COL13A1: variants seen among roughly 807,000 people sequenced by gnomAD.
COL13A1 encodes collagen type XIII alpha 1 chain.
COL13A1 carries 89 observed loss-of-function variants against 130.9 expected under a neutral mutation model. That is an observed-to-expected ratio of 0.68 (90% CI 0.57 to 0.81). The LOEUF (loss-of-function observed/expected upper bound fraction) is 0.81. Among genes scored for constraint, COL13A1 ranks in the 30% least tolerant of loss-of-function variants. The probability of loss-of-function intolerance (pLI) is 0.00; values close to 1 mark genes in which losing one functional copy is unlikely to be tolerated. For synonymous variants in COL13A1, 402 were observed against 341.6 expected (o/e 1.18, Z -1.95); for missense variants, 879 against 934.6 (o/e 0.94, Z 0.78).
At chr10:69,847,705 C>T (rs374060339) in intron 2 of COL13A1, among the ~76,000 whole-genome samples, 68 of 152,298 alleles carry the variant, frequency 4.5e-4, no homozygotes, top group African/African-American at 1.5e-3. Flanking sequence ...CGTTTGCTGG[C>T]GGAGGGATTA....
At chr10:69,870,391 A>T (rs2058943604) in intron 3 of COL13A1, among the ~76,000 whole-genome samples, 1 of 151,566 alleles carries the variant, frequency 6.6e-6, no homozygotes, top group Non-Finnish European at 1.5e-5. Context: ...AAGCTCACTG[A>T]AGCCTCAATC....
intron 1 of COL13A1, among the ~76,000 whole-genome samples, chr10:69,810,390 C>CAGAGAGAGAGAGAGAGAGAGAGAG (rs1842741165): frequency 9.4e-6 from 1 of 106,136 alleles, no homozygotes; most frequent in African/African-American, 3.2e-5. Context: ...GACAGAGAGT[C>CAGAGAGAGAGAGAGAGAGAGAGAG]TGTGTGGCCC....
At chr10:69,902,345 A>G (rs1027543146) in intron 14 of COL13A1, among the ~76,000 whole-genome samples, 10 of 152,144 alleles carry the variant, frequency 6.6e-5, no homozygotes, top group African/African-American at 2.4e-4. Context: ...GCTTAGGGAG[A>G]ACTGTGCCTC....
At chr10:69,835,403 GCCCACT>G (rs1437912156) in intron 2 of COL13A1, among the ~76,000 whole-genome samples, 1 of 152,062 alleles carries the variant, frequency 6.6e-6, no homozygotes, top group Non-Finnish European at 1.5e-5. Flanking sequence ...CACCCAGGCT[GCCCACT>G]CCCTCGATGA....
In COL13A1 at chr10:69,958,734, T is replaced by C; in HGVS notation, c.*33T>C. The C allele has an allele frequency of 6.2e-7, 1 of 1,613,380 alleles. No individual in the cohort carries two copies. Among genetic ancestry groups the C allele is most frequent in the Non-Finnish European group, 8.5e-7 (1 of 1,179,750 alleles). On this transcript the variant is annotated 3_prime_UTR_variant, in exon 41 of 41. Transcript: ENST00000645393. ...AACCTTGGATTGGCCTGTGTGTGTG[T>C]TTGTACATAGAATATTTATTTTTAT...
intron 31 of COL13A1, among the ~76,000 whole-genome samples, chr10:69,932,865 G>A (rs1013675891): frequency 3.3e-5 from 5 of 152,078 alleles, no homozygotes; most frequent in Middle Eastern, 3.2e-3. Context: ...TGCCGGGCAC[G>A]GTGGCTCACG....
intron 38 of COL13A1, among the ~76,000 whole-genome samples, chr10:69,950,901 T>G (rs1295734148): frequency 6.6e-6 from 1 of 152,080 alleles, no homozygotes; most frequent in Non-Finnish European, 1.5e-5. Flanking sequence ...CAGGCTGGAG[T>G]GCAGTGGCAC....
intron 2 of COL13A1, among the ~76,000 whole-genome samples, chr10:69,866,357 G>A (rs1432392651): frequency 2.0e-5 from 3 of 152,184 alleles, no homozygotes; most frequent in African/African-American, 7.2e-5. Flanking sequence ...GCAGGCGCAA[G>A]GCATCTGCCC....
At position 69,875,180 on chromosome 10, in the gene COL13A1, G is replaced by T; in HGVS notation, c.435+17G>T. On this transcript the variant is annotated intron_variant, in intron 5 of 40. Transcript: ENST00000645393. ...GGACGTGTGGTGAGTTGGCCCGTTTGTACCTGCTCAGGTGGCCATTGCTTG... is the reference window on the plus strand; with the variant it reads ...GGACGTGTGGTGAGTTGGCCCGTTTTTACCTGCTCAGGTGGCCATTGCTTG... The T allele has an allele frequency of 3.1e-6, 5 of 1,613,972 alleles. No individual in the cohort carries two copies. Among genetic ancestry groups the T allele is most frequent in the Non-Finnish European group, 4.2e-6 (5 of 1,179,878 alleles).
At chr10:69,908,082 T>C (rs2062979775) in intron 17 of COL13A1, among the ~76,000 whole-genome samples, 1 of 151,920 alleles carries the variant, frequency 6.6e-6, no homozygotes, top group African/African-American at 2.4e-5. Context: ...CTGTAAGGAG[T>C]GCAACCCTGC....
In COL13A1 at chr10:69,919,323, C is replaced by T. The variant is rs7090294; in HGVS notation, c.1026+235C>T. On this transcript the variant is annotated intron_variant, in intron 20 of 40. Transcript: ENST00000645393. ...GGCAGTGACTATTGTCCCCTGCACC[C>T]ACAGGGTTCTCTTTCCCTCTTGTGT... Among the ~76,000 whole-genome samples, 15,871 of 152,186 alleles carry T rather than the reference C, an allele frequency of 0.1. 949 individuals carry two copies. Among genetic ancestry groups the T allele is most frequent in the Middle Eastern group, 0.23 (67 of 294 alleles).
In COL13A1 at chr10:69,936,782, G is replaced by A; in HGVS notation, c.1797G>A (p.Lys599=). The A allele has an allele frequency of 6.2e-7, 1 of 1,613,942 alleles. No individual in the cohort carries two copies. The highest frequency in any genetic ancestry group is 8.5e-7 in the Non-Finnish European group (1 of 1,179,854). ...GGCTCCAAGGTGTTCCTGGACCAAA[G>A]GTAAGGAGAAGTCACATGACAGGCG... ...PPGLQGVPGP[K]GEAGLDGAKG... Residue 599 remains lysine (K), a splice_region_variant and synonymous_variant, in exon 33 of 41, where the codon AAG becomes AAA. Coordinates refer to ENST00000645393, the MANE Select transcript of COL13A1 (RefSeq NM_001368882.1).
chr10:69,861,978 G>C (rs1858244205), intron 2 of COL13A1, among the ~76,000 whole-genome samples: 2 of 152,156 alleles, frequency 1.3e-5, no homozygotes, highest in Admixed American at 6.6e-5. Flanking sequence ...GTGGCTCTTG[G>C]GGTAAGGTGG....
At chr10:69,804,109 G>A (rs775092389) in intron 1 of COL13A1, among the ~76,000 whole-genome samples, 15 of 152,092 alleles carry the variant, frequency 9.9e-5, no homozygotes, top group African/African-American at 3.4e-4. Context: ...GAACTCCATC[G>A]GGCCGTCCAT....
At chr10:69,913,090 C>A (rs566233750) in intron 17 of COL13A1, among the ~76,000 whole-genome samples, 11 of 152,228 alleles carry the variant, frequency 7.2e-5, no homozygotes, top group Non-Finnish European at 1.6e-4. Context: ...CTTGTGCTCC[C>A]CTAGAGCCTT....
chr10:69,836,090 A>G (rs1435611465), intron 2 of COL13A1, among the ~76,000 whole-genome samples: 1 of 152,218 alleles, frequency 6.6e-6, no homozygotes, highest in Non-Finnish European at 1.5e-5. Flanking sequence ...GCCAACCTCT[A>G]GCTATCTCTC....
At chr10:69,840,349 C>T (rs1295724818) in intron 2 of COL13A1, among the ~76,000 whole-genome samples, 1 of 152,114 alleles carries the variant, frequency 6.6e-6, no homozygotes, top group Non-Finnish European at 1.5e-5. Flanking sequence ...AGTTGCGTGT[C>T]CCCCAGCGTG....
intron 4 of COL13A1, among the ~76,000 whole-genome samples, chr10:69,873,389 T>G (rs2059268566): frequency 1.3e-5 from 2 of 152,014 alleles, no homozygotes; most frequent in African/African-American, 4.8e-5. Flanking sequence ...GGAGGACGGG[T>G]GAATCGGTCC....
chr10:69,922,658 C>A, intron 22 of COL13A1, 50 bp from the exon 23 acceptor site: 1 of 1,470,888 alleles, frequency 6.8e-7, no homozygotes, highest in South Asian at 1.2e-5. Flanking sequence ...CAGTGCTCAG[C>A]CTAGACCTTC....
Sources: allele counts gnomAD v4.1 joint callset (sites outside exome capture counted in the v4.1 genomes callset), GRCh38; gene constraint gnomAD v4.1.1; transcripts MANE v1.5; gene names NCBI Gene and HGNC (gene_info 2026-07-23, HGNC 2026-07-21).